Variants in GPR155 observed in about 807,000 individuals in gnomAD.
GPR155 encodes lysosomal cholesterol signaling protein.
GPR155 carries 65 observed loss-of-function variants against 93.1 expected under a neutral mutation model. That is an observed-to-expected ratio of 0.70 (90% CI 0.57 to 0.86). The LOEUF is 0.86. GPR155 is among the 40% of genes least tolerant of loss of function. The pLI, the probability that GPR155 is intolerant of heterozygous loss-of-function variation, is 0.00. For synonymous variants in GPR155, 319 were observed against 360.1 expected (o/e 0.89, Z 1.29); for missense variants, 838 against 1,034.8 (o/e 0.81, Z 2.61).
chr2:174,482,023 C>G, intron 1 of GPR155, 36 bp from the exon 2 acceptor site: 1 of 1,075,804 alleles, frequency 9.3e-7, no homozygotes, highest in Non-Finnish European at 1.4e-6. Flanking sequence ...GTATGGCCAT[C>G]AACAAGAATT....
At chr2:174,458,237 C>G (rs1687577828) in intron 10 of GPR155, among the ~76,000 whole-genome samples, 2 of 152,302 alleles carry the variant, frequency 1.3e-5, no homozygotes, top group Middle Eastern at 3.4e-3. Context: ...ATTCTTCACT[C>G]AGTCAACAAG....
chr2:174,433,332 TTA>T lies in GPR155; in HGVS notation c.*2782_*2783del, dbSNP rs2105650764. 6.6e-6 allele frequency: 1 copy of T among 152,334 alleles called. No individual in the cohort carries two copies. Among genetic ancestry groups the T allele is most frequent in the South Asian group, 2.1e-4 (1 of 4,832 alleles). The allele number at this position is 152,334 out of a possible 1,614,324, so 9.4% of individuals were successfully genotyped here. ...AAATGTCTGTGTCCTCCTAGAATTC[TTA>T]TGTTGAAACCTAATCCTCAATCATG... On this transcript the variant is annotated 3_prime_UTR_variant, in exon 16 of 16. Transcript: ENST00000392552.
At chr2:174,453,894 A>T in intron 10 of GPR155, 53 bp from the exon 11 acceptor site, 2 of 1,207,930 alleles carry the variant, frequency 1.7e-6, no homozygotes, top group Non-Finnish European at 2.5e-6. Context: ...ACAGAAATGG[A>T]CAATTTTAAG....
chr2:174,482,262 A>G (rs1303086329), intron 1 of GPR155, among the ~76,000 whole-genome samples: 3 of 152,228 alleles, frequency 2.0e-5, no homozygotes, highest in East Asian at 3.9e-4. Flanking sequence ...ACTCAGTATT[A>G]GACATGAGTA....
chr2:174,448,976 C>T (rs538221154), intron 11 of GPR155, among the ~76,000 whole-genome samples: 4 of 152,176 alleles, frequency 2.6e-5, no homozygotes, highest in South Asian at 4.2e-4. Flanking sequence ...AGAAAATATT[C>T]GCACACTATG....
chr2:174,463,126 C>T (rs201809493), intron 7 of GPR155, among the ~76,000 whole-genome samples: 10 of 139,562 alleles, frequency 7.2e-5, no homozygotes, highest in Non-Finnish European at 1.1e-4. Flanking sequence ...TTTTTTCTTT[C>T]TTTTTTTTTT....
chr2:174,486,532 C>T (rs72910834), intron 1 of GPR155, among the ~76,000 whole-genome samples: 21,923 of 152,174 alleles, frequency 0.14, 1,769 homozygotes, highest in South Asian at 0.19. Context: ...TCGGAAGGGC[C>T]AGATACTGAG....
At chr2:174,485,806 GT>G (rs1009898729) in intron 1 of GPR155, among the ~76,000 whole-genome samples, 5 of 147,096 alleles carry the variant, frequency 3.4e-5, no homozygotes, top group African/African-American at 1.2e-4. Context: ...AGCAAGGGAA[GT>G]TTTAAAAAAA....
chr2:174,458,653 A>G (rs1687592631), intron 10 of GPR155, among the ~76,000 whole-genome samples: 1 of 152,240 alleles, frequency 6.6e-6, no homozygotes, highest in Non-Finnish European at 1.5e-5. Flanking sequence ...GCATGAAGGT[A>G]GCCATAGATG....
At chr2:174,462,920 A>G (rs1056160421) in intron 7 of GPR155, among the ~76,000 whole-genome samples, 11 of 152,182 alleles carry the variant, frequency 7.2e-5, no homozygotes, top group African/African-American at 2.7e-4. Context: ...TGAGCACCTT[A>G]GATGTGGAAA....
intron 10 of GPR155, among the ~76,000 whole-genome samples, chr2:174,458,853 C>T (rs573728629): frequency 6.6e-5 from 10 of 152,100 alleles, no homozygotes; most frequent in South Asian, 4.1e-4. Context: ...ATTGGGAGGC[C>T]GAGGCGGGTG....
Position 174,432,366 on chromosome 2 carries a change from T to A in GPR155, c.*3750A>T, listed in dbSNP as rs1686663258. 1 of 152,662 alleles carries A rather than the reference T, an allele frequency of 6.6e-6. No homozygotes were observed. Among genetic ancestry groups the A allele is most frequent in the South Asian group, 2.1e-4 (1 of 4,836 alleles). 9.5% of individuals were successfully genotyped at this position (152,662 alleles called of 1,614,324 possible). A position where few individuals can be genotyped will look rare whatever the true frequency, so the allele number is the denominator to read the frequency against. On this transcript the variant is annotated 3_prime_UTR_variant, in exon 16 of 16. Coordinates refer to ENST00000392552, the MANE Select transcript of GPR155 (RefSeq NM_152529.7). ...AAAAATGTCTCTTAAAAGCCTTTATTATCTGAAACTGCAGATCATTCTGAT... is the reference window on the plus strand; with the variant it reads ...AAAAATGTCTCTTAAAAGCCTTTATAATCTGAAACTGCAGATCATTCTGAT...
chr2:174,470,059 G>C (rs926382613), intron 4 of GPR155, among the ~76,000 whole-genome samples: 1 of 152,118 alleles, frequency 6.6e-6, no homozygotes, highest in African/African-American at 2.4e-5. Context: ...ACAGGGTTTC[G>C]CCATGTTGGC....
intron 13 of GPR155, 147 bp downstream of exon 13, chr2:174,444,934 A>G: frequency 1.7e-6 from 1 of 604,052 alleles, no homozygotes. Context: ...GTCAGCTGCC[A>G]TGCATACCAG....
chr2:174,482,630 C>A (rs560168228), intron 1 of GPR155, among the ~76,000 whole-genome samples: 1 of 152,268 alleles, frequency 6.6e-6, no homozygotes, highest in East Asian at 1.9e-4. Flanking sequence ...CTCAGTGCAA[C>A]CTCTGTCTCC....
In GPR155 at chr2:174,470,394, T is replaced by C. The variant is rs755525369; in HGVS notation, c.1022A>G (p.Glu341Gly). ...IFATQFNMEV[E>G]IITSGMVIST... is the part of the protein sequence containing the mutation. ...TAGAAAGTACTATATACATACAATT[T>C]CTACTTCCATGTTGAATTGTGTTGC... The change falls in exon 4 of 16, where the codon GAA becomes GGA. Residue 341 changes from glutamate (E) to glycine (G), a missense_variant. By Grantham distance (98) the Glu-to-Gly change is moderately conservative. Transcript: ENST00000392552. 4 of 1,611,934 alleles carry C rather than the reference T, an allele frequency of 2.5e-6. No homozygotes were observed. The East Asian group carries it at 8.9e-5, about 36-fold the overall frequency.
chr2:174,481,485 A>T lies in GPR155; in HGVS notation c.460+12T>A. The T allele has an allele frequency of 6.9e-7, 1 of 1,451,628 alleles. No homozygotes were observed. The highest frequency in any genetic ancestry group is 9.4e-7 in the Non-Finnish European group (1 of 1,067,700). 89.9% of individuals were successfully genotyped at this position (1,451,628 alleles called of 1,614,324 possible). On this transcript the variant is annotated intron_variant, in intron 2 of 15. Coordinates refer to ENST00000392552, the MANE Select transcript of GPR155 (RefSeq NM_152529.7). The stretch of plus-strand genomic sequence containing the variant: ...AATTTTTTAAACACTTGAAAAATAA[A>T]AATTAACTTACCTATAGGGTATCCC...
chr2:174,467,861 C>T (rs1027412678), intron 5 of GPR155, among the ~76,000 whole-genome samples: 1 of 151,828 alleles, frequency 6.6e-6, no homozygotes, highest in African/African-American at 2.4e-5. Flanking sequence ...TCCAGCCACC[C>T]AGGTAGCTGG....
At chr2:174,437,911 A>G (rs1463482658) in intron 15 of GPR155, among the ~76,000 whole-genome samples, 4 of 151,556 alleles carry the variant, frequency 2.6e-5, no homozygotes, top group Non-Finnish European at 5.9e-5. Context: ...TATTCCAGAC[A>G]CCAACAGAGT....
Sources: allele counts gnomAD v4.1 joint callset (sites outside exome capture counted in the v4.1 genomes callset), GRCh38; gene constraint gnomAD v4.1.1; transcripts MANE v1.5; gene names NCBI Gene and HGNC (gene_info 2026-07-23, HGNC 2026-07-21).